The following DCPS variants were observed in gnomAD, a reference collection of about 807,000 sequenced individuals.
DCPS encodes the protein decapping enzyme, scavenger.
In DCPS, 27 loss-of-function variants were observed where a neutral mutation model predicts 34.7. The observed-to-expected ratio is 0.78, with a 90% CI of 0.57 to 1.07. The LOEUF (loss-of-function observed/expected upper bound fraction) is 1.07, where lower values mean the gene tolerates loss of function less well. DCPS is among the 50% of genes least tolerant of loss of function. DCPS has a pLI of 0.00. For synonymous variants in DCPS, 185 were observed against 185.7 expected (o/e 1.00, Z 0.03); for missense variants, 464 against 436.9 (o/e 1.06, Z -0.55).
At chr11:126,304,708 GAAC>G (rs894160330) in intron 1 of DCPS, among the ~76,000 whole-genome samples, 63 of 152,310 alleles carry the variant, frequency 4.1e-4, no homozygotes, top group African/African-American at 1.4e-3. Flanking sequence ...CGTAACAGGA[GAAC>G]AATATATTAT....
chr11:126,305,527 TCTCCTGC>T (rs968217850), intron 1 of DCPS, among the ~76,000 whole-genome samples: 3 of 145,974 alleles, frequency 2.1e-5, no homozygotes, highest in African/African-American at 7.6e-5. Context: ...TTCAAGTGAT[TCTCCTGC>T]CTCAGCCTCC....
rs1459754549 is a variant in DCPS at position 126,334,187 on chromosome 11, G to A, written c.522+2637G>A. 6.6e-6 allele frequency among the ~76,000 whole-genome samples: 1 copy of A among 152,068 alleles called. No individual in the cohort carries two copies. Among genetic ancestry groups the A allele is most frequent in the Non-Finnish European group, 1.5e-5 (1 of 68,020 alleles). ...GAGGTTGGGTGATGAGTGGATAGAA[G>A]GATAATTCATGACCCAGTATAGGGG... On this transcript the variant is annotated intron_variant, in intron 3 of 5. Transcript: ENST00000263579. The surrounding 1 kb of genome is among the most constrained non-coding windows in gnomAD (Gnocchi z 5.5).
chr11:126,331,184 G>A lies in DCPS; in HGVS notation c.377-221G>A, dbSNP rs1951787637. On this transcript the variant is annotated intron_variant, in intron 2 of 5. Transcript: ENST00000263579. The surrounding 1 kb of genome is among the most constrained non-coding windows in gnomAD (Gnocchi z 7.2). ...CTGATGAGGGGCCCAGTGACCCACA[G>A]GTAAGAACCTTGTGTTTTCCAGATT... is the stretch of plus-strand genomic sequence containing the variant. Among the ~76,000 whole-genome samples the A allele has an allele frequency of 6.6e-6, 1 of 152,164 alleles. No individual in the cohort carries two copies.
At chr11:126,310,076 G>A (rs1049028537) in intron 2 of DCPS, among the ~76,000 whole-genome samples, 27 of 152,170 alleles carry the variant, frequency 1.8e-4, no homozygotes, top group African/African-American at 6.5e-4. Context: ...CGCACCACCT[G>A]GGAGTCTGGT....
intron 2 of DCPS, among the ~76,000 whole-genome samples, chr11:126,314,882 A>C (rs970667462): frequency 6.6e-6 from 1 of 152,176 alleles, no homozygotes; most frequent in Non-Finnish European, 1.5e-5. Context: ...GGTACAATGT[A>C]CACTGCTCAG....
In DCPS at chr11:126,348,646, A is replaced by G. The variant is rs17135399; in HGVS notation, c.*3033A>G. On this transcript the variant is annotated 3_prime_UTR_variant, in exon 6 of 6. Coordinates refer to ENST00000263579, the MANE Select transcript of DCPS (RefSeq NM_014026.6). This position sits in a 1 kb window ranked among gnomAD's most constrained non-coding sequence, Gnocchi z 5.3. ...AGGGTGACCTTCATATCAGACTCCC[A>G]GGTAACTCAAGATGATAGCTTTGCA... is the stretch of plus-strand genomic sequence containing the variant. 0.11 allele frequency among the ~76,000 whole-genome samples: 17,076 copies of G among 152,258 alleles called. 1,395 individuals are homozygous for G. The highest frequency in any genetic ancestry group is 0.23 in the African/African-American group (9,672 of 41,540).
In DCPS at chr11:126,334,051, G is replaced by A. The variant is rs1376185010; in HGVS notation, c.522+2501G>A. Among the ~76,000 whole-genome samples, 2 of 152,184 alleles carry A rather than the reference G, an allele frequency of 1.3e-5. No homozygotes were observed. Among genetic ancestry groups the A allele is most frequent in the African/African-American group, 2.4e-5 (1 of 41,442 alleles). ...GGAAGACTGGGAAAAACCAGTATGG[G>A]TCTGAACCAAGGTAGGGACAGTGGG... is the stretch of plus-strand genomic sequence containing the variant. On this transcript the variant is annotated intron_variant, in intron 3 of 5. Coordinates refer to ENST00000263579, the MANE Select transcript of DCPS (RefSeq NM_014026.6). This position sits in a 1 kb window ranked among gnomAD's most constrained non-coding sequence, Gnocchi z 5.5.
At chr11:126,318,120 G>A (rs968838259) in intron 2 of DCPS, among the ~76,000 whole-genome samples, 4 of 152,202 alleles carry the variant, frequency 2.6e-5, no homozygotes, top group Non-Finnish European at 5.9e-5. Context: ...TGTACAAGAA[G>A]CCTGTCAGAT....
Position 126,325,946 on chromosome 11 carries a change from T to C in DCPS, c.377-5459T>C, listed in dbSNP as rs1614592. Among the ~76,000 whole-genome samples the C allele has an allele frequency of 0.48, 72,385 of 151,790 alleles. 17,849 individuals carry two copies. The highest frequency in any genetic ancestry group is 0.86 in the East Asian group (4,418 of 5,154). The stretch of plus-strand genomic sequence containing the variant: ...CATCCTGGCCAACTTGGTGAAACCC[T>C]GTCTCTACTAAAAATACAAGTATTA... On this transcript the variant is annotated intron_variant, in intron 2 of 5. Transcript: ENST00000263579. This position sits in a 1 kb window ranked among gnomAD's most constrained non-coding sequence, Gnocchi z 4.3.
chr11:126,342,854 C>T lies in DCPS; in HGVS notation c.637-453C>T, dbSNP rs1311206147. Among the ~76,000 whole-genome samples, 2 of 152,060 alleles carry T rather than the reference C, an allele frequency of 1.3e-5. No individual in the cohort carries two copies. The highest frequency in any genetic ancestry group is 3.4e-3 in the Middle Eastern group (1 of 294). On this transcript the variant is annotated intron_variant, in intron 4 of 5. Transcript: ENST00000263579. The surrounding 1 kb of genome is among the most constrained non-coding windows in gnomAD (Gnocchi z 4.4). The stretch of plus-strand genomic sequence containing the variant: ...CAGCACTTTGGGAGGCCGAGGCAGG[C>T]GGATCATGAAGTCAGGAGTTTGAGA...
intron 2 of DCPS, among the ~76,000 whole-genome samples, chr11:126,326,128 A>C (rs1951736992): frequency 6.6e-6 from 1 of 152,180 alleles, no homozygotes; most frequent in South Asian, 2.1e-4. Flanking sequence ...AAAAATACAT[A>C]TAAATAAATA....
rs547376091 is a variant in DCPS, at chr11:126,338,731, G to A, written c.636+332G>A. Among the ~76,000 whole-genome samples the A allele has an allele frequency of 1.3e-5, 2 of 152,282 alleles. No individual in the cohort carries two copies. Among genetic ancestry groups the A allele is most frequent in the East Asian group, 1.9e-4 (1 of 5,186 alleles). On this transcript the variant is annotated intron_variant, in intron 4 of 5. Coordinates refer to ENST00000263579, the MANE Select transcript of DCPS (RefSeq NM_014026.6). This position sits in a 1 kb window ranked among gnomAD's most constrained non-coding sequence, Gnocchi z 5.4. ...GCTTCCACCCGCATCTGGAGCCCTCGGGTGGGGTGTTTCCATTTTCTCCAT... is the reference window on the plus strand; with the variant it reads ...GCTTCCACCCGCATCTGGAGCCCTCAGGTGGGGTGTTTCCATTTTCTCCAT...
intron 2 of DCPS, among the ~76,000 whole-genome samples, chr11:126,317,754 A>G (rs1278633443): frequency 6.6e-6 from 1 of 152,128 alleles, no homozygotes; most frequent in African/African-American, 2.4e-5. Context: ...GGTCTGCTCA[A>G]CCCCAGCATA....
intron 2 of DCPS, among the ~76,000 whole-genome samples, chr11:126,311,041 G>A (rs1951615344): frequency 6.6e-6 from 1 of 152,198 alleles, no homozygotes; most frequent in South Asian, 2.1e-4. Context: ...AAGTCTGGAG[G>A]TTTTGCAGTC....
In DCPS at chr11:126,316,274, C is replaced by A. The variant is rs151309740; in HGVS notation, c.376+9530C>A. On this transcript the variant is annotated intron_variant, in intron 2 of 5. Coordinates refer to ENST00000263579, the MANE Select transcript of DCPS (RefSeq NM_014026.6). ...CCGCAGCCCAGGACAGCTTTGAATG[C>A]GGCCCGACACAAATGTATAAACTTT... 1.1e-3 allele frequency among the ~76,000 whole-genome samples: 171 copies of A among 152,006 alleles called. 1 individual carries two copies. Among genetic ancestry groups the A allele is most frequent in the African/African-American group, 3.8e-3 (156 of 41,402 alleles).
intron 4 of DCPS, 98 bp from the exon 5 acceptor site, chr11:126,343,207 CAG>C (rs1951890049): frequency 3.3e-6 from 3 of 915,118 alleles, no homozygotes; most frequent in South Asian, 1.4e-5. Flanking sequence ...CTGTAGGCCT[CAG>C]GGGTGGGTGC....
chr11:126,331,610 C>T lies in DCPS; in HGVS notation c.522+60C>T, dbSNP rs994630447. The T allele has an allele frequency of 8.2e-6, 13 of 1,591,982 alleles. No homozygotes were observed. In the East Asian group the frequency reaches 8.9e-5, roughly 11 times the overall value. On this transcript the variant is annotated intron_variant, in intron 3 of 5. Coordinates refer to ENST00000263579, the MANE Select transcript of DCPS (RefSeq NM_014026.6). The surrounding 1 kb of genome is among the most constrained non-coding windows in gnomAD (Gnocchi z 7.2). ...CTCCCGTGGCTGGTGCCTCCTCTTACGAGTGTCTATTGGGGTCATATTAGG... is the reference window on the plus strand; with the variant it reads ...CTCCCGTGGCTGGTGCCTCCTCTTATGAGTGTCTATTGGGGTCATATTAGG...
Position 126,346,326 on chromosome 11 carries a change from G to A in DCPS, c.*713G>A, listed in dbSNP as rs1482554859. On this transcript the variant is annotated 3_prime_UTR_variant, in exon 6 of 6. Coordinates refer to ENST00000263579, the MANE Select transcript of DCPS (RefSeq NM_014026.6). The surrounding 1 kb of genome is among the most constrained non-coding windows in gnomAD (Gnocchi z 4.1). ...GGAAGACAAAACAGACTCACATGAA[G>A]CAGCCAGAAGATCAAGTGCAAAACA... 6.6e-6 allele frequency among the ~76,000 whole-genome samples: 1 copy of A among 152,220 alleles called. No individual in the cohort carries two copies. Among genetic ancestry groups the A allele is most frequent in the Non-Finnish European group, 1.5e-5 (1 of 68,030 alleles).
chr11:126,330,396 G>T (rs929447212), intron 2 of DCPS, among the ~76,000 whole-genome samples: 14 of 152,086 alleles, frequency 9.2e-5, no homozygotes, highest in Non-Finnish European at 1.3e-4. Context: ...CACTTATGTG[G>T]TGTTTACTGT....
Sources: allele counts gnomAD v4.1 joint callset (sites outside exome capture counted in the v4.1 genomes callset), GRCh38; gene constraint gnomAD v4.1.1; non-coding constraint Gnocchi (gnomAD v3.1); transcripts MANE v1.5; gene names NCBI Gene and HGNC (gene_info 2026-07-23, HGNC 2026-07-21).